CCDC183: variants seen among roughly 807,000 people sequenced by gnomAD.
CCDC183 encodes the protein coiled-coil domain containing 183.
A neutral mutation model predicts 65.2 loss-of-function variants in CCDC183; 63 were observed. The observed-to-expected ratio is 0.97, with a 90% confidence interval of 0.79 to 1.19. The LOEUF (loss-of-function observed/expected upper bound fraction) is 1.19, where lower values mean the gene tolerates loss of function less well. Ranked by LOEUF, CCDC183 falls within the 50% of genes most tolerant of loss-of-function variation. The pLI, the probability that CCDC183 is intolerant of heterozygous loss-of-function variation, is 0.00. For synonymous variants in CCDC183, 323 were observed against 276.5 expected, an observed-to-expected ratio of 1.17 and a Z score of -1.67; for missense variants, 769 against 689.3, an observed-to-expected ratio of 1.12 and a Z score of -1.30.
At chr9:136,805,145 G>C (rs1232886457) in intron 8 of CCDC183, 1 of 597,464 alleles carries the variant, frequency 1.7e-6, no homozygotes, top group Non-Finnish European at 3.0e-6. Context: ...ACTCACTCCG[G>C]GTCCACCTCT....
intron 3 of CCDC183, 83 bp from the exon 4 acceptor site, chr9:136,799,919 G>GAGC: frequency 6.6e-7 from 1 of 1,509,362 alleles, no homozygotes; most frequent in Non-Finnish European, 8.9e-7. Context: ...GGGTTGCCAC[G>GAGC]AGCCTCCACC....
Position 136,796,375 on chromosome 9 carries a change from C to A in CCDC183, c.-23C>A, listed in dbSNP as rs374179875. 148 of 1,541,176 alleles carry A rather than the reference C, an allele frequency of 9.6e-5. No homozygotes were observed. In the African/African-American group the frequency reaches 1.6e-3, roughly 17 times the overall value. ...GGGAGGCTTTGAGGTACACAGGGTC[C>A]CTTGGGGGGCCTGAGAGCAGCCATG... On this transcript the variant is annotated 5_prime_UTR_variant, in exon 1 of 14. Coordinates refer to ENST00000338005, the MANE Select transcript of CCDC183 (RefSeq NM_001039374.5).
intron 13 of CCDC183, 116 bp from the exon 14 acceptor site, chr9:136,807,456 T>C: frequency 7.7e-7 from 1 of 1,295,502 alleles, no homozygotes; most frequent in Non-Finnish European, 1.0e-6. Flanking sequence ...ACGCTGGGGC[T>C]GTCCCTGGGG....
chr9:136,804,384 G>C lies in CCDC183; in HGVS notation c.667-118G>C. On this transcript the variant is annotated intron_variant, in intron 6 of 13. Coordinates refer to ENST00000338005, the MANE Select transcript of CCDC183 (RefSeq NM_001039374.5). This position sits in a 1 kb window ranked among gnomAD's most constrained non-coding sequence, Gnocchi z 4.1. ...TAGGAAAAGGGTGTGGCCATTGGCC[G>C]GGGATGCAGTTCCAAAGTCTAGTAA... 8.8e-6 allele frequency: 12 copies of C among 1,369,668 alleles called. No individual in the cohort carries two copies. The highest frequency in any genetic ancestry group is 1.2e-5 in the Non-Finnish European group (12 of 1,023,826). 84.8% of individuals were successfully genotyped at this position (1,369,668 alleles called of 1,614,324 possible). A position where few individuals can be genotyped will look rare whatever the true frequency, so the allele number is the denominator to read the frequency against.
In CCDC183 at chr9:136,806,813, G is replaced by A; in HGVS notation, c.1335G>A (p.Glu445=). 4 of 1,613,656 alleles carry A rather than the reference G, an allele frequency of 2.5e-6. No individual in the cohort carries two copies. Among genetic ancestry groups the A allele is most frequent in the Non-Finnish European group, 3.4e-6 (4 of 1,180,032 alleles). Reference sequence around the variant, plus strand: ...TGAACAGCAAGCTGGCGTACTGCGAGGGGAAGCTCACGTACCTGGCTGACA... The same window carrying A: ...TGAACAGCAAGCTGGCGTACTGCGAAGGGAAGCTCACGTACCTGGCTGACA... ...LDLNSKLAYC[E]GKLTYLADRV... Residue 445 remains glutamate, a synonymous_variant, in exon 12 of 14, where the codon GAG becomes GAA. Transcript: ENST00000338005.
chr9:136,807,637 G>C lies in CCDC183; in HGVS notation c.1552G>C (p.Ala518Pro), dbSNP rs889544483. ...VPSRAEIKRQ[A>P]QRLIEGKLKA... is the part of the protein sequence containing the mutation. ...TTCGCGCGCCGAGATCAAGAGGCAG[G>C]CGCAGCGGCTAATCGAGGGGAAGCT... is the stretch of plus-strand genomic sequence containing the variant. The change falls in exon 14 of 14, where the codon GCG becomes CCG. Residue 518 changes from alanine (A) to proline (P), a missense_variant. Transcript: ENST00000338005. 21 of 1,604,108 alleles carry C rather than the reference G, an allele frequency of 1.3e-5. No individual in the cohort carries two copies. The highest frequency in any genetic ancestry group is 1.7e-5 in the Non-Finnish European group (20 of 1,176,106).
chr9:136,806,346 T>A, intron 10 of CCDC183, 108 bp downstream of exon 10: 1 of 1,400,506 alleles, frequency 7.1e-7, no homozygotes, highest in South Asian at 1.3e-5. Context: ...CAAGCCTGTG[T>A]GTCCCACAGA....
Position 136,805,681 on chromosome 9 carries a change from G to C in CCDC183, c.948+224G>C, listed in dbSNP as rs950878429. The C allele has an allele frequency of 2.2e-4, 122 of 565,472 alleles. No homozygotes were observed. In the Middle Eastern group the frequency reaches 7.0e-3, roughly 33 times the overall value. The allele number at this position is 565,472 out of a possible 1,614,324, so 35.0% of individuals were successfully genotyped here. A position where few individuals can be genotyped will look rare whatever the true frequency, so the allele number is the denominator to read the frequency against. ...TCTGCGTTTATTATTATTAGGCCTT[G>C]AGCTCCTAACCACTGCCCTGACACA... On this transcript the variant is annotated intron_variant, in intron 9 of 13. Transcript: ENST00000338005.
Position 136,799,718 on chromosome 9 carries a change from C to G in CCDC183, c.198C>G (p.Asp66Glu). 1 of 1,612,802 alleles carries G rather than the reference C, an allele frequency of 6.2e-7. No individual in the cohort carries two copies. The highest frequency in any genetic ancestry group is 8.5e-7 in the Non-Finnish European group (1 of 1,179,750). ...AQDWALAKKYDQWTISKACGK... is the reference protein window; with the variant it reads ...AQDWALAKKYEQWTISKACGK... ...CAGCCGCCGCCGCTCCGCAGTATGA[C>G]CAGTGGACCATCTCCAAGGCCTGCG... is the stretch of plus-strand genomic sequence containing the variant. Residue 66 changes from aspartate to glutamate, a missense_variant, in exon 3 of 14, where the codon GAC becomes GAG. Asp to Glu is a conservative substitution (Grantham distance 45, BLOSUM62 2). Coordinates refer to ENST00000338005, the MANE Select transcript of CCDC183 (RefSeq NM_001039374.5).
intron 1 of CCDC183, among the ~76,000 whole-genome samples, chr9:136,798,674 C>T (rs1847688712): frequency 6.6e-6 from 1 of 152,134 alleles, no homozygotes; most frequent in African/African-American, 2.4e-5. Context: ...CACTCCCTGA[C>T]AGAGCTGGGA....
chr9:136,806,837 C>CA lies in CCDC183; in HGVS notation c.1360dup (p.Arg454LysfsTer35). On this transcript the variant is annotated frameshift_variant, in exon 12 of 14. Coordinates refer to ENST00000338005, the MANE Select transcript of CCDC183 (RefSeq NM_001039374.5). LOFTEE classifies it high-confidence loss of function. ...AGGGGAAGCTCACGTACCTGGCTGA[C>CA]AGAGTGCAGATGGTGTCCAGGACCG... 1.9e-6 allele frequency: 3 copies of CA among 1,613,578 alleles called. No homozygotes were observed. The highest frequency in any genetic ancestry group is 2.5e-6 in the Non-Finnish European group (3 of 1,180,016).
intron 4 of CCDC183, 22 bp downstream of exon 4, chr9:136,800,191 G>T: frequency 6.7e-7 from 1 of 1,487,226 alleles, no homozygotes; most frequent in Non-Finnish European, 9.0e-7. Context: ...GGGCTGGGAG[G>T]GCGGGGCGGA....
chr9:136,799,522 C>T, intron 2 of CCDC183, 191 bp from the exon 3 acceptor site: 1 of 670,526 alleles, frequency 1.5e-6, no homozygotes, highest in South Asian at 1.9e-5. Context: ...CTCTGCATAC[C>T]CCCCTACCAC....
chr9:136,799,554 C>G (rs1847703773), intron 2 of CCDC183, 159 bp from the exon 3 acceptor site: 2 of 719,062 alleles, frequency 2.8e-6, no homozygotes, highest in African/African-American at 3.5e-5. Flanking sequence ...ACTTGGATGG[C>G]CAGGATGGGG....
In CCDC183 at chr9:136,800,183, G is replaced by T; in HGVS notation, c.438+14G>T. 3 of 1,513,088 alleles carry T rather than the reference G, an allele frequency of 2.0e-6. No individual in the cohort carries two copies. Among genetic ancestry groups the T allele is most frequent in the Non-Finnish European group, 2.7e-6 (3 of 1,130,212 alleles). The allele number at this position is 1,513,088 out of a possible 1,614,324, so 93.7% of individuals were successfully genotyped here. ...CGGCTGCTGCAGGTGGAGAGGCGGG[G>T]CTGGGAGGGCGGGGCGGAGTCCACT... On this transcript the variant is annotated intron_variant, in intron 4 of 13. Transcript: ENST00000338005.
intron 8 of CCDC183, 33 bp from the exon 9 acceptor site, chr9:136,805,324 C>A: frequency 1.3e-6 from 2 of 1,566,646 alleles, no homozygotes; most frequent in Non-Finnish European, 1.7e-6. Flanking sequence ...GCCATCCCTG[C>A]ATGCTGACTG....
chr9:136,801,932 C>A (rs531964248), intron 5 of CCDC183, among the ~76,000 whole-genome samples: 2 of 151,898 alleles, frequency 1.3e-5, no homozygotes, highest in Non-Finnish European at 2.9e-5. Context: ...GAATTACAGG[C>A]GCCCACTACC....
chr9:136,800,180 G>A lies in CCDC183; in HGVS notation c.438+11G>A, dbSNP rs1847715602. 2 of 1,516,550 alleles carry A rather than the reference G, an allele frequency of 1.3e-6. No individual in the cohort carries two copies. The highest frequency in any genetic ancestry group is 1.8e-6 in the Non-Finnish European group (2 of 1,132,808). The allele number at this position is 1,516,550 out of a possible 1,614,324, so 93.9% of individuals were successfully genotyped here. On this transcript the variant is annotated intron_variant, in intron 4 of 13. Transcript: ENST00000338005. ...CTGCGGCTGCTGCAGGTGGAGAGGC[G>A]GGGCTGGGAGGGCGGGGCGGAGTCC...
Position 136,807,327 on chromosome 9 carries a change from C to T in CCDC183, c.1487-245C>T. The T allele has an allele frequency of 9.2e-6, 6 of 653,252 alleles. 1 individual carries two copies. In the South Asian group the frequency reaches 1.2e-4, roughly 13 times the overall value. 40.5% of individuals were successfully genotyped at this position (653,252 alleles called of 1,614,324 possible). A position where few individuals can be genotyped will look rare whatever the true frequency, so the allele number is the denominator to read the frequency against. ...CGGGCCCGGAGGAGAGGCACCAGGG[C>T]TGGAGCAGGGAGGAGCGCGGTGAAG... On this transcript the variant is annotated intron_variant, in intron 13 of 13. Transcript: ENST00000338005.
Sources: allele counts gnomAD v4.1 joint callset (sites outside exome capture counted in the v4.1 genomes callset), GRCh38; gene constraint gnomAD v4.1.1; non-coding constraint Gnocchi (gnomAD v3.1); transcripts MANE v1.5; gene names NCBI Gene and HGNC (gene_info 2026-07-23, HGNC 2026-07-21).